Variants in ERG observed in about 807,000 individuals in gnomAD.
ERG encodes the protein ETS transcription factor ERG.
ERG carries 9 observed loss-of-function variants against 55.3 expected under a neutral mutation model. The ratio of observed to expected loss-of-function variants is 0.16; its 90% CI spans 0.10 to 0.28. ERG has a LOEUF of 0.28. ERG is among the 10% of genes least tolerant of loss of function. The pLI, the probability that ERG is intolerant of heterozygous loss-of-function variation, is 1.00. For synonymous variants in ERG, 223 were observed against 237.3 expected (o/e 0.94, Z 0.55); for missense variants, 434 against 631.6 (o/e 0.69, Z 3.35).
chr21:38,645,455 C>T (rs1314715744), intron 1 of ERG, among the ~76,000 whole-genome samples: 3 of 152,122 alleles, frequency 2.0e-5, no homozygotes, highest in South Asian at 2.1e-4. Flanking sequence ...CACTGTGAAA[C>T]GAGTCATATT....
At chr21:38,461,227 G>T (rs2059039661) in intron 1 of ERG, among the ~76,000 whole-genome samples, 1 of 152,104 alleles carries the variant, frequency 6.6e-6, no homozygotes, top group African/African-American at 2.4e-5. Flanking sequence ...TTAGCTTGTG[G>T]ATGGTCATCT....
At chr21:38,373,363 A>G in the ERG span, among the ~76,000 whole-genome samples, 1 of 152,228 alleles carries the variant, frequency 6.6e-6, no homozygotes, top group Non-Finnish European at 1.5e-5. Context: ...TTCAATTTAA[A>G]CTACTCTACC....
chr21:38,562,099 T>C (rs763876914), intron 2 of ERG, among the ~76,000 whole-genome samples: 2 of 152,210 alleles, frequency 1.3e-5, no homozygotes, highest in African/African-American at 2.4e-5. Context: ...AAGCTCACTA[T>C]TATTTAGAAC....
chr21:38,469,630 T>C (rs1660269514), intron 1 of ERG, among the ~76,000 whole-genome samples: 1 of 152,236 alleles, frequency 6.6e-6, no homozygotes, highest in Admixed American at 6.5e-5. Context: ...TAATAAATTA[T>C]CTTTCATTTT....
chr21:38,593,039 T>C (rs1288832535), intron 1 of ERG, among the ~76,000 whole-genome samples: 1 of 152,244 alleles, frequency 6.6e-6, no homozygotes, highest in Non-Finnish European at 1.5e-5. Context: ...CAAGACGTTC[T>C]TGGACCCAAG....
chr21:38,455,874 C>G (rs939736346), intron 1 of ERG, among the ~76,000 whole-genome samples: 1 of 150,054 alleles, frequency 6.7e-6, no homozygotes, highest in Non-Finnish European at 1.5e-5. Context: ...ACGGTCCCCC[C>G]CCTCCCCACA....
chr21:38,627,102 A>T (rs1341587705), intron 1 of ERG, among the ~76,000 whole-genome samples: 1 of 147,400 alleles, frequency 6.8e-6, no homozygotes, highest in Non-Finnish European at 1.5e-5. Context: ...TACCGAGAAT[A>T]AAAAAAAATT....
intron 1 of ERG, among the ~76,000 whole-genome samples, chr21:38,477,007 C>CTTTTTTTTTT (rs397867221): frequency 2.9e-4 from 24 of 84,160 alleles, no homozygotes; most frequent in Admixed American, 7.2e-4. Context: ...TCTTTCTTTC[C>CTTTTTTTTTT]TTTTTTTTTT....
chr21:38,558,676 G>A (rs925988990), intron 2 of ERG, among the ~76,000 whole-genome samples: 7 of 152,124 alleles, frequency 4.6e-5, no homozygotes, highest in Admixed American at 2.6e-4. Flanking sequence ...TTCCTATCAC[G>A]TATCAATAAG....
intron 2 of ERG, among the ~76,000 whole-genome samples, chr21:38,535,356 A>T (rs533249674): frequency 1.2e-4 from 19 of 152,328 alleles, no homozygotes; most frequent in African/African-American, 4.3e-4. Flanking sequence ...CTGCACCAAC[A>T]ATGTGAATAT....
intron 1 of ERG, among the ~76,000 whole-genome samples, chr21:38,607,611 C>T (rs988941945): frequency 1.3e-5 from 2 of 151,898 alleles, no homozygotes; most frequent in African/African-American, 4.8e-5. Flanking sequence ...TGCACTCCAG[C>T]CTGGGCGACA....
At chr21:38,524,612 A>C (rs1252214826) in intron 2 of ERG, among the ~76,000 whole-genome samples, 1 of 152,238 alleles carries the variant, frequency 6.6e-6, no homozygotes, top group Non-Finnish European at 1.5e-5. Flanking sequence ...CATGTTTAAA[A>C]TATAATAAGC....
chr21:38,435,496 A>G (rs1409182596), intron 2 of ERG, among the ~76,000 whole-genome samples: 4 of 152,176 alleles, frequency 2.6e-5, no homozygotes, highest in African/African-American at 9.7e-5. Context: ...TTGTCTTCAC[A>G]GCTGTGTGTT....
chr21:38,377,552 A>G (rs1987276985), downstream of ERG, among the ~76,000 whole-genome samples: 1 of 152,246 alleles, frequency 6.6e-6, no homozygotes, highest in African/African-American at 2.4e-5. Flanking sequence ...AAAACCAAAA[A>G]TTAATAAGAG....
intron 2 of ERG, among the ~76,000 whole-genome samples, chr21:38,438,925 G>A (rs2058815675): frequency 6.6e-6 from 1 of 152,236 alleles, no homozygotes; most frequent in African/African-American, 2.4e-5. Flanking sequence ...TCCGATTCTA[G>A]GGCAGGGCCT....
At chr21:38,625,578 C>A (rs1014563002) in intron 1 of ERG, among the ~76,000 whole-genome samples, 2 of 152,014 alleles carry the variant, frequency 1.3e-5, no homozygotes, top group Non-Finnish European at 2.9e-5. Context: ...AAGCAGCGAG[C>A]CTTAAATTGC....
chr21:38,641,655 T>C (rs987924484), intron 1 of ERG, among the ~76,000 whole-genome samples: 1 of 152,080 alleles, frequency 6.6e-6, no homozygotes, highest in African/African-American at 2.4e-5. Context: ...GACATAAACC[T>C]CTTCCAAATG....
chr21:38,503,222 C>T (rs1300450221), upstream of ERG, among the ~76,000 whole-genome samples: 1 of 151,770 alleles, frequency 6.6e-6, no homozygotes, highest in Non-Finnish European at 1.5e-5. Context: ...ATGTAAGTAA[C>T]ATGCAATGTT....
chr21:38,384,304 G>A (rs1217109920), intron 9 of ERG, among the ~76,000 whole-genome samples: 2 of 152,204 alleles, frequency 1.3e-5, no homozygotes, highest in African/African-American at 4.8e-5. Context: ...CTTGGAGGAG[G>A]CCAGAAACTT....
Sources: allele counts gnomAD v4.1 joint callset (sites outside exome capture counted in the v4.1 genomes callset), GRCh38; gene constraint gnomAD v4.1.1; transcripts MANE v1.5; gene names NCBI Gene and HGNC (gene_info 2026-07-23, HGNC 2026-07-21).